The following PKD1 variants were observed in gnomAD, a reference collection of about 807,000 sequenced individuals.
The protein encoded by PKD1 is polycystin 1, transient receptor potential channel interacting.
A neutral mutation model predicts 361.7 loss-of-function variants in PKD1; 81 were observed. The ratio of observed to expected loss-of-function variants is 0.22; its 90% CI spans 0.19 to 0.27. PKD1 has a LOEUF of 0.27. Among genes scored for constraint, PKD1 ranks in the 10% least tolerant of loss-of-function variants. PKD1 has a pLI of 1.00. For synonymous variants in PKD1, 3,615 were observed against 2,818.3 expected (o/e 1.28, Z -8.95); for missense variants, 6,399 against 6,118.3 (o/e 1.05, Z -1.53).
Position 2,089,712 on chromosome 16 carries a change from C to T in PKD1, c.*15G>A, listed in dbSNP as rs77566834. ...CCACTCCGACTCCACGGCCCACCCC[C>T]GCCAGGAAGGAGGACTAAGTGCTGC... On this transcript the variant is annotated 3_prime_UTR_variant, in exon 46 of 46. Coordinates refer to ENST00000262304, the MANE Select transcript of PKD1 (RefSeq NM_001009944.3). 19,396 of 1,566,408 alleles carry T rather than the reference C, an allele frequency of 0.012. 192 individuals carry two copies. The highest frequency in any genetic ancestry group is 0.022 in the Middle Eastern group (102 of 4,556).
At position 2,103,889 on chromosome 16, in the gene PKD1, A is replaced by T; in HGVS notation, c.8168T>A (p.Leu2723His). 1 of 1,405,776 alleles carries T rather than the reference A, an allele frequency of 7.1e-7. No homozygotes were observed. The highest frequency in any genetic ancestry group is 3.6e-5 in the East Asian group (1 of 27,486). 87.1% of individuals were successfully genotyped at this position (1,405,776 alleles called of 1,614,324 possible). A position where few individuals can be genotyped will look rare whatever the true frequency, so the allele number is the denominator to read the frequency against. Residue 2723 changes from leucine to histidine, a missense_variant, in exon 23 of 46, where the codon CTC becomes CAC. Coordinates refer to ENST00000262304, the MANE Select transcript of PKD1 (RefSeq NM_001009944.3). ...CACGTCCGAGCTGGCCAGGTGGATG[A>T]GGTCTCCTGCAGACATGCGTGAGGT... ...GDSILNITGD[L>H]IHLASSDVRA...
In PKD1 at chr16:2,090,587, C is replaced by T. The variant is rs1337808849; in HGVS notation, c.12142G>A (p.Val4048Met). ...VAYAQLAILL[V>M]SSCVDSLWSV... Reference sequence around the variant, plus strand: ...CAGAGGGAGTCCACACAGGAAGACACGAGCTGCGGGGAAGGCGACACCAGT... The same window carrying T: ...CAGAGGGAGTCCACACAGGAAGACATGAGCTGCGGGGAAGGCGACACCAGT... The change falls in exon 45 of 46, where the codon GTG becomes ATG. Residue 4048 changes from valine to methionine, a missense_variant. Coordinates refer to ENST00000262304, the MANE Select transcript of PKD1 (RefSeq NM_001009944.3). The T allele has an allele frequency of 1.9e-6, 3 of 1,608,628 alleles. No homozygotes were observed.
Position 2,089,341 on chromosome 16 carries a change from A to T in PKD1, c.*386T>A. On this transcript the variant is annotated 3_prime_UTR_variant, in exon 46 of 46. Coordinates refer to ENST00000262304, the MANE Select transcript of PKD1 (RefSeq NM_001009944.3). ...TACGGTAGGAACTGGAGAGGTAATAACTTAGGGGCAGGGTGGCGGCGGTGC... is the reference window on the plus strand; with the variant it reads ...TACGGTAGGAACTGGAGAGGTAATATCTTAGGGGCAGGGTGGCGGCGGTGC... 3.1e-6 allele frequency: 1 copy of T among 327,856 alleles called. No homozygotes were observed. Among genetic ancestry groups the T allele is most frequent in the East Asian group, 6.2e-5 (1 of 16,230 alleles). The allele number at this position is 327,856 out of a possible 1,614,324, so 20.3% of individuals were successfully genotyped here.
At chr16:2,113,893 G>C in intron 11 of PKD1, 1 of 537,656 alleles carries the variant, frequency 1.9e-6, no homozygotes, top group Admixed American at 3.2e-5. Context: ...GAGACTCACG[G>C]GGGCTCGTGT....
chr16:2,120,829 C>T (rs1341890032), intron 1 of PKD1, among the ~76,000 whole-genome samples: 1 of 152,076 alleles, frequency 6.6e-6, no homozygotes, highest in Non-Finnish European at 1.5e-5. Context: ...CCATCCTGGC[C>T]AACAGGGTGA....
Position 2,094,141 on chromosome 16 carries a change from G to GAA in PKD1, c.10568_10569insTT (p.Pro3524SerfsTer4), listed in dbSNP as rs1567159497. The GAA allele has an allele frequency of 1.9e-6, 3 of 1,598,014 alleles. No individual in the cohort carries two copies. The East Asian group carries it at 6.8e-5, about 36-fold the overall frequency. ...GGGGCTGTTCCCAGTTCAGGCCTGGGCTGGGTGGCCCCAGCTCCCCCAGCC... is the reference window on the plus strand; with the variant it reads ...GGGGCTGTTCCCAGTTCAGGCCTGGGAACTGGGTGGCCCCAGCTCCCCCAGCC... On this transcript the variant is annotated frameshift_variant, in exon 35 of 46. Transcript: ENST00000262304. LOFTEE classifies it high-confidence loss of function.
Position 2,094,615 on chromosome 16 carries a change from G to T in PKD1, c.10500-405C>A, listed in dbSNP as rs144733461. On this transcript the variant is annotated intron_variant, in intron 34 of 45. Coordinates refer to ENST00000262304, the MANE Select transcript of PKD1 (RefSeq NM_001009944.3). ...ACGCCAGTGTGTCTGTCCCATGCAGGTTTATGGCCTAAAATTAACTTCTGG... is the reference window on the plus strand; with the variant it reads ...ACGCCAGTGTGTCTGTCCCATGCAGTTTTATGGCCTAAAATTAACTTCTGG... 3.2e-3 allele frequency: 885 copies of T among 277,484 alleles called. 12 individuals carry two copies. The highest frequency in any genetic ancestry group is 0.019 in the African/African-American group (845 of 45,026). 17.2% of individuals were successfully genotyped at this position (277,484 alleles called of 1,614,324 possible).
chr16:2,093,391 G>C, intron 37 of PKD1, 153 bp downstream of exon 37: 1 of 784,924 alleles, frequency 1.3e-6, no homozygotes, highest in South Asian at 1.7e-5. Flanking sequence ...GGGGCGTGGG[G>C]TAGGAGGGAG....
chr16:2,115,659 T>G, intron 9 of PKD1, 34 bp from the exon 10 acceptor site: 1 of 1,589,728 alleles, frequency 6.3e-7, no homozygotes, highest in African/African-American at 1.3e-5. Flanking sequence ...GGCCCTGATT[T>G]GCCCACAGGC....
At position 2,097,130 on chromosome 16, in the gene PKD1, C is replaced by A; in HGVS notation, c.10499+18G>T. Reference sequence around the variant, plus strand: ...CCTCCTCTGGCAATCCCCCCTCCCCCGAGAGCCGGACACTCACAGGCTGCT... The same window carrying A: ...CCTCCTCTGGCAATCCCCCCTCCCCAGAGAGCCGGACACTCACAGGCTGCT... On this transcript the variant is annotated intron_variant, in intron 34 of 45. Coordinates refer to ENST00000262304, the MANE Select transcript of PKD1 (RefSeq NM_001009944.3). 2 of 1,542,220 alleles carry A rather than the reference C, an allele frequency of 1.3e-6. No individual in the cohort carries two copies. The highest frequency in any genetic ancestry group is 1.2e-5 in the South Asian group (1 of 83,948).
At position 2,111,618 on chromosome 16, in the gene PKD1, C is replaced by T. The variant is rs1166163874; in HGVS notation, c.3549G>A (p.Ser1183=). The part of the protein sequence containing the change: ...SQPAANHTYA[S]RGTYHVRLEV... ...CCAGGCGCACGTGGTAGGTGCCCCTCGAGGCATAGGTGTGGTTGGCAGCCG... is the reference window on the plus strand; with the variant it reads ...CCAGGCGCACGTGGTAGGTGCCCCTTGAGGCATAGGTGTGGTTGGCAGCCG... Residue 1183 remains serine (S), a synonymous_variant, in exon 15 of 46, where the codon TCG becomes TCA. Transcript: ENST00000262304. 7 of 1,574,310 alleles carry T rather than the reference C, an allele frequency of 4.4e-6. No homozygotes were observed. In the East Asian group the frequency reaches 9.3e-5, roughly 21 times the overall value.
chr16:2,118,785 C>A lies in PKD1; in HGVS notation c.420G>T (p.Ala140=), dbSNP rs996550984. The A allele has an allele frequency of 2.0e-6, 3 of 1,485,684 alleles. No individual in the cohort carries two copies. Among genetic ancestry groups the A allele is most frequent in the African/African-American group, 2.8e-5 (2 of 72,676 alleles). 92.0% of individuals were successfully genotyped at this position (1,485,684 alleles called of 1,614,324 possible). The part of the protein sequence containing the change: ...DCGLAWLPRW[A]EEQQVRVVQP... ...GCACCACCCGCACCTGCTGCTCCTC[C>A]GCCCATCGCGGCAGCCACGCCAGGC... The change falls in exon 4 of 46, where the codon GCG becomes GCT. Residue 140 remains alanine (A), a synonymous_variant. Coordinates refer to ENST00000262304, the MANE Select transcript of PKD1 (RefSeq NM_001009944.3). This position sits in a 1 kb window ranked among gnomAD's most constrained non-coding sequence, Gnocchi z 6.0.
Position 2,109,158 on chromosome 16 carries a change from G to C in PKD1, c.6009C>G (p.Ala2003=). 1 of 1,601,458 alleles carries C rather than the reference G, an allele frequency of 6.2e-7. No individual in the cohort carries two copies. The highest frequency in any genetic ancestry group is 8.5e-7 in the Non-Finnish European group (1 of 1,173,830). ...TARVQRGSRV[A]YAWYFSLQKV... ...TCTGCAGCGAGAAGTACCAGGCGTA[G>C]GCGACCCGAGAGCCGCGCTGCACGC... is the stretch of plus-strand genomic sequence containing the variant. The change falls in exon 15 of 46, where the codon GCC becomes GCG. Residue 2003 remains alanine, a synonymous_variant. Coordinates refer to ENST00000262304, the MANE Select transcript of PKD1 (RefSeq NM_001009944.3).
At position 2,102,466 on chromosome 16, in the gene PKD1, C is replaced by A; in HGVS notation, c.9116G>T (p.Arg3039Leu). Residue 3039 changes from arginine (R) to leucine (L), a missense_variant, in exon 25 of 46, where the codon CGC (arginine) becomes CTC (leucine). Coordinates refer to ENST00000262304, the MANE Select transcript of PKD1 (RefSeq NM_001009944.3). ...GTGGCGGGTGAGGCAGACGGCCTGG[C>A]GGGGCGAGGTCTCCTCCAGGGGCAG... ...GLLPLEETSP[R>L]QAVCLTRHLT... is the part of the protein sequence containing the mutation. 1.3e-6 allele frequency: 2 copies of A among 1,555,218 alleles called. No homozygotes were observed. Among genetic ancestry groups the A allele is most frequent in the African/African-American group, 1.4e-5 (1 of 73,270 alleles).
In PKD1 at chr16:2,106,195, G is replaced by A. The variant is rs2092329967; in HGVS notation, c.7599C>T (p.Ser2533=). 2.5e-6 allele frequency: 4 copies of A among 1,610,010 alleles called. No homozygotes were observed. Among genetic ancestry groups the A allele is most frequent in the South Asian group, 1.1e-5 (1 of 90,976 alleles). ...CCGGGGGCAGCACGGCTCCGTAGCT[G>A]GAGAGGCTGCCCTTGTAGACACAGA... ...EEFCVYKGSL[S]SYGAVLPPGF... is the part of the protein sequence containing the mutation. Residue 2533 remains serine (S), a synonymous_variant, in exon 19 of 46, where the codon TCC becomes TCT. Transcript: ENST00000262304. This position sits in a 1 kb window ranked among gnomAD's most constrained non-coding sequence, Gnocchi z 6.5.
chr16:2,089,626 G>C lies in PKD1; in HGVS notation c.*101C>G. On this transcript the variant is annotated 3_prime_UTR_variant, in exon 46 of 46. Transcript: ENST00000262304. ...CCTGCCTGCTCTCTGGGGAACCTAC[G>C]TGCAGCCATTCTGCCTGGCCCTCGG... 2.1e-6 allele frequency: 3 copies of C among 1,412,460 alleles called. No homozygotes were observed. Among genetic ancestry groups the C allele is most frequent in the Non-Finnish European group, 9.7e-7 (1 of 1,031,134 alleles). The allele number at this position is 1,412,460 out of a possible 1,614,324, so 87.5% of individuals were successfully genotyped here.
At chr16:2,101,662 A>G (rs1319638131) in intron 26 of PKD1, among the ~76,000 whole-genome samples, 1 of 152,274 alleles carries the variant, frequency 6.6e-6, no homozygotes, top group Non-Finnish European at 1.5e-5. Context: ...CAGAAGGGCA[A>G]TTCCAATGAA....
At position 2,110,298 on chromosome 16, in the gene PKD1, G is replaced by A. The variant is rs1285902755; in HGVS notation, c.4869C>T (p.Ser1623=). ...TGAGCTGCAGGACATAGACGAAGAT[G>A]CTGTCCTGGGCGGAGCCCACCTCGT... ...AENEVGSAQD[S]IFVYVLQLIE... Residue 1623 remains serine, a synonymous_variant, in exon 15 of 46, where the codon AGC becomes AGT. Coordinates refer to ENST00000262304, the MANE Select transcript of PKD1 (RefSeq NM_001009944.3). 3.7e-6 allele frequency: 6 copies of A among 1,612,650 alleles called. No homozygotes were observed. The highest frequency in any genetic ancestry group is 1.7e-5 in the Admixed American group (1 of 60,014).
Position 2,099,717 on chromosome 16 carries a change from C to G in PKD1, c.9977G>C (p.Gly3326Ala), listed in dbSNP as rs1347045052. 2 of 1,581,352 alleles carry G rather than the reference C, an allele frequency of 1.3e-6. No homozygotes were observed. The highest frequency in any genetic ancestry group is 2.7e-5 in the African/African-American group (2 of 74,210). Residue 3326 changes from glycine to alanine, a missense_variant, in exon 30 of 46, where the codon GGC becomes GCC. Physicochemically the swap from Gly to Ala is moderately conservative, Grantham distance 60. Transcript: ENST00000262304. ...ATAGACAACCACGCTGGACACCAGG[C>G]CAACAGCGACTGTGTCGACGCTCAG... ...SPLSVDTVAV[G>A]LVSSVVVYPV...
Sources: allele counts gnomAD v4.1 joint callset (sites outside exome capture counted in the v4.1 genomes callset), GRCh38; gene constraint gnomAD v4.1.1; non-coding constraint Gnocchi (gnomAD v3.1); transcripts MANE v1.5; gene names NCBI Gene and HGNC (gene_info 2026-07-23, HGNC 2026-07-21).